CSMD1: variants seen among roughly 807,000 people sequenced by gnomAD.
The protein encoded by CSMD1 is CUB and sushi domain-containing protein 1.
CSMD1 carries 213 observed loss-of-function variants against 417.5 expected under a neutral mutation model. That is an observed-to-expected ratio of 0.51 (90% confidence interval 0.46 to 0.57). The LOEUF is 0.57. Among genes scored for constraint, CSMD1 ranks in the 20% least tolerant of loss-of-function variants. CSMD1 has a pLI of 0.00. For synonymous variants in CSMD1, 2,862 were observed against 1,736.8 expected (o/e 1.65, Z -16.11); for missense variants, 6,923 against 4,529.7 (o/e 1.53, Z -15.17).
chr8:3,236,784 A>G (rs1036657954), intron 26 of CSMD1, among the ~76,000 whole-genome samples: 2 of 152,160 alleles, frequency 1.3e-5, no homozygotes, highest in Admixed American at 1.3e-4. Context: ...GAAGGTTTCT[A>G]GTTTCTTGCC....
chr8:3,751,051 A>G (rs1402152850), intron 6 of CSMD1, among the ~76,000 whole-genome samples: 1 of 152,002 alleles, frequency 6.6e-6, no homozygotes, highest in Non-Finnish European at 1.5e-5. Flanking sequence ...AACCTTCCAC[A>G]GGCAGTCTGC....
At chr8:4,292,923 G>A (rs1029815788) in intron 3 of CSMD1, among the ~76,000 whole-genome samples, 1 of 152,190 alleles carries the variant, frequency 6.6e-6, no homozygotes, top group African/African-American at 2.4e-5. Context: ...TTCATGGATA[G>A]TATTAACAGA....
Position 2,957,686 on chromosome 8 carries a change from T to A in CSMD1, c.9814+10A>T. 1 of 1,533,430 alleles carries A rather than the reference T, an allele frequency of 6.5e-7. No individual in the cohort carries two copies. Among genetic ancestry groups the A allele is most frequent in the Non-Finnish European group, 8.9e-7 (1 of 1,121,884 alleles). The allele number at this position is 1,533,430 out of a possible 1,614,324, so 95.0% of individuals were successfully genotyped here. A position where few individuals can be genotyped will look rare whatever the true frequency, so the allele number is the denominator to read the frequency against. ...TGACTTGTGATGGGGGTGGAAGAAA[T>A]CACACTTACGTATACATTCGGTCTG... On this transcript the variant is annotated intron_variant, in intron 63 of 69. Coordinates refer to ENST00000635120, the MANE Select transcript of CSMD1 (RefSeq NM_033225.6).
chr8:3,146,163 A>C (rs552256029), intron 40 of CSMD1, among the ~76,000 whole-genome samples: 2 of 152,322 alleles, frequency 1.3e-5, no homozygotes, highest in Admixed American at 1.3e-4. Flanking sequence ...TGTGTGCACT[A>C]TTAGTGCAGT....
intron 8 of CSMD1, among the ~76,000 whole-genome samples, chr8:3,607,517 C>G (rs933674970): frequency 2.6e-5 from 4 of 152,204 alleles, no homozygotes; most frequent in Non-Finnish European, 5.9e-5. Flanking sequence ...CACAGTACAT[C>G]TGTCTTACAT....
intron 1 of CSMD1, among the ~76,000 whole-genome samples, chr8:4,863,060 G>A: frequency 6.6e-6 from 1 of 152,060 alleles, no homozygotes; most frequent in East Asian, 1.9e-4. Flanking sequence ...GAGGTCCCTG[G>A]TGATTCTGGT....
intron 3 of CSMD1, among the ~76,000 whole-genome samples, chr8:4,169,858 T>C (rs1797668450): frequency 6.6e-6 from 1 of 152,008 alleles, no homozygotes; most frequent in South Asian, 2.1e-4. Context: ...TGCGTCATCA[T>C]TTAGGATACT....
At chr8:4,308,243 GT>G (rs201091077) in intron 3 of CSMD1, among the ~76,000 whole-genome samples, 9 of 151,986 alleles carry the variant, frequency 5.9e-5, no homozygotes, top group South Asian at 2.1e-4. Flanking sequence ...GTCATGTATA[GT>G]TTTTTTTATG....
intron 3 of CSMD1, among the ~76,000 whole-genome samples, chr8:4,032,376 T>C (rs1678895465): frequency 6.6e-6 from 1 of 152,216 alleles, no homozygotes; most frequent in South Asian, 2.1e-4. Context: ...TTCCAGATAA[T>C]GTCTGGATTA....
At position 2,997,911 on chromosome 8, in the gene CSMD1, T is replaced by C. The variant is rs945641663; in HGVS notation, c.8377+100A>G. Reference sequence around the variant, plus strand: ...TGGTGAGAGTTTGCAGAACTCTTTATGCATTACCCTTGATTCATGGAGACA... The same window carrying C: ...TGGTGAGAGTTTGCAGAACTCTTTACGCATTACCCTTGATTCATGGAGACA... On this transcript the variant is annotated intron_variant, in intron 54 of 69. Transcript: ENST00000635120. The C allele has an allele frequency of 1.5e-5, 17 of 1,153,354 alleles. No homozygotes were observed. The African/African-American group carries it at 1.9e-4, about 13-fold the overall frequency. 71.4% of individuals were successfully genotyped at this position (1,153,354 alleles called of 1,614,324 possible).
chr8:3,437,563 G>T (rs979267250), intron 12 of CSMD1, among the ~76,000 whole-genome samples: 25 of 152,130 alleles, frequency 1.6e-4, no homozygotes, highest in Admixed American at 6.6e-5. Context: ...GGAAAAACTG[G>T]ACTGCAGGAG....
chr8:4,491,975 C>A (rs1441403994), intron 2 of CSMD1, among the ~76,000 whole-genome samples: 1 of 147,172 alleles, frequency 6.8e-6, no homozygotes, highest in Non-Finnish European at 1.5e-5. Flanking sequence ...CCAAGACATT[C>A]ATTAATAGAT....
intron 10 of CSMD1, among the ~76,000 whole-genome samples, chr8:3,547,411 A>G (rs945275930): frequency 6.6e-6 from 1 of 152,240 alleles, no homozygotes; most frequent in African/African-American, 2.4e-5. Flanking sequence ...TTCAGTTTTT[A>G]AAACACTACT....
At chr8:3,756,429 C>T (rs1195037065) in intron 5 of CSMD1, among the ~76,000 whole-genome samples, 5 of 151,480 alleles carry the variant, frequency 3.3e-5, no homozygotes. Flanking sequence ...ATATCACATA[C>T]AAAAAACGTT....
At chr8:3,513,868 A>G (rs1797179411) in intron 10 of CSMD1, among the ~76,000 whole-genome samples, 1 of 152,222 alleles carries the variant, frequency 6.6e-6, no homozygotes, top group Non-Finnish European at 1.5e-5. Flanking sequence ...GGAGTATGAA[A>G]AAGTAGATAA....
intron 2 of CSMD1, among the ~76,000 whole-genome samples, chr8:4,421,073 TG>T (rs1228634051): frequency 6.6e-6 from 1 of 152,192 alleles, no homozygotes; most frequent in East Asian, 1.9e-4. Flanking sequence ...TTTTTCCCAT[TG>T]GATGCCAATC....
intron 37 of CSMD1, among the ~76,000 whole-genome samples, chr8:3,177,229 C>T (rs969138836): frequency 2.6e-5 from 4 of 152,204 alleles, no homozygotes; most frequent in African/African-American, 9.6e-5. Context: ...CCTCGTGTGA[C>T]TCTGGATGCA....
intron 49 of CSMD1, among the ~76,000 whole-genome samples, 152 bp from the exon 50 acceptor site, chr8:3,052,799 G>C (rs1338786418): frequency 1.8e-5 from 1 of 55,262 alleles, no homozygotes; most frequent in Admixed American, 1.7e-4. Context: ...TTTTTTTCTG[G>C]AGACAAGAGT....
At chr8:3,042,857 A>G (rs1811198365) in intron 50 of CSMD1, among the ~76,000 whole-genome samples, 1 of 152,124 alleles carries the variant, frequency 6.6e-6, no homozygotes, top group Non-Finnish European at 1.5e-5. Context: ...CTGCAGGATT[A>G]TACGTACACA....
Sources: gnomAD v4.1 joint callset for allele counts (sites outside exome capture counted in the v4.1 genomes callset) on GRCh38, gnomAD v4.1.1 for gene constraint, MANE v1.5 for transcripts, NCBI Gene and HGNC (gene_info 2026-07-23, HGNC 2026-07-21) for gene names.